The following PDE4B variants were observed in gnomAD, a reference collection of about 807,000 sequenced individuals.
PDE4B encodes the protein 3',5'-cyclic-AMP phosphodiesterase 4B.
Under a neutral mutation model 82.2 loss-of-function variants are expected in PDE4B, and 20 were observed. That is an observed-to-expected ratio of 0.24 (90% CI 0.17 to 0.35). The LOEUF is 0.35. Among genes scored for constraint, PDE4B ranks in the 10% least tolerant of loss-of-function variants. The probability of loss-of-function intolerance (pLI) is 1.00; values close to 1 mark genes in which losing one functional copy is unlikely to be tolerated. For synonymous variants in PDE4B, 320 were observed against 318.9 expected (o/e 1.00, Z -0.04); for missense variants, 655 against 907.2 (o/e 0.72, Z 3.57).
intron 1 of PDE4B, among the ~76,000 whole-genome samples, chr1:65,896,264 T>C (rs1646909704): frequency 6.6e-6 from 1 of 152,142 alleles, no homozygotes; most frequent in Non-Finnish European, 1.5e-5. Context: ...AAGTCATGTC[T>C]TACATGGCAG....
chr1:66,204,243 G>T (rs1233788862), intron 3 of PDE4B, among the ~76,000 whole-genome samples: 1 of 152,358 alleles, frequency 6.6e-6, no homozygotes, highest in African/African-American at 2.4e-5. Context: ...TGTGTGAGGT[G>T]TCAGTCTGCC....
intron 1 of PDE4B, among the ~76,000 whole-genome samples, chr1:65,876,316 C>G (rs1646643158): frequency 6.6e-6 from 1 of 151,874 alleles, no homozygotes; most frequent in Admixed American, 6.6e-5. Flanking sequence ...AATATTGTCC[C>G]TAAAAAGTTG....
chr1:66,217,549 A>G (rs1019063582), intron 3 of PDE4B, among the ~76,000 whole-genome samples: 1 of 152,156 alleles, frequency 6.6e-6, no homozygotes, highest in African/African-American at 2.4e-5. Flanking sequence ...TCAAAGGGCA[A>G]AGGAACCCAT....
At position 66,096,508 on chromosome 1, in the gene PDE4B, T is replaced by TTATATATATATATATATA. The variant is rs4068855; in HGVS notation, c.282-150935_282-150918dup. On this transcript the variant is annotated intron_variant, in intron 3 of 16. Transcript: ENST00000341517. The stretch of plus-strand genomic sequence containing the variant: ...TTAAATGCGGTATAAGTAAAAAAAA[T>TTATATATATATATATATA]TATATATATATATATATATATATAT... Among the ~76,000 whole-genome samples the TTATATATATATATATATA allele has an allele frequency of 1.1e-3, 114 of 107,258 alleles. 3 individuals are homozygous for TTATATATATATATATATA. Among genetic ancestry groups the TTATATATATATATATATA allele is most frequent in the South Asian group, 2.5e-3 (8 of 3,156 alleles). The allele number at this position is 107,258 out of a possible 152,430, so 70.4% of individuals were successfully genotyped here.
At chr1:66,364,275 C>T (rs557579875) in intron 12 of PDE4B, among the ~76,000 whole-genome samples, 2 of 152,180 alleles carry the variant, frequency 1.3e-5, no homozygotes, top group Non-Finnish European at 2.9e-5. Flanking sequence ...AAAACTGATG[C>T]AATGTGTTGA....
intron 3 of PDE4B, among the ~76,000 whole-genome samples, chr1:65,989,495 A>C (rs1651130413): frequency 6.6e-6 from 1 of 152,188 alleles, no homozygotes; most frequent in African/African-American, 2.4e-5. Flanking sequence ...TGTCTAAAAA[A>C]TAAAATAAAA....
intron 3 of PDE4B, among the ~76,000 whole-genome samples, chr1:66,231,813 A>G (rs1480121622): frequency 1.3e-5 from 2 of 152,206 alleles, no homozygotes; most frequent in African/African-American, 4.8e-5. Flanking sequence ...CCCTCTTTTG[A>G]AAGGCTTCCT....
At chr1:66,224,353 A>T (rs1019166624) in intron 3 of PDE4B, among the ~76,000 whole-genome samples, 4 of 152,208 alleles carry the variant, frequency 2.6e-5, no homozygotes, top group Non-Finnish European at 5.9e-5. Flanking sequence ...TCTGGGCAAA[A>T]TTTCGGAGCT....
Position 66,238,198 on chromosome 1 carries a change from T to C in PDE4B, c.282-9262T>C, listed in dbSNP as rs184377626. On this transcript the variant is annotated intron_variant, in intron 3 of 16. Coordinates refer to ENST00000341517, the MANE Select transcript of PDE4B (RefSeq NM_002600.4). Reference sequence around the variant, plus strand: ...AGCACTTTCTACCAGCCAGGGACTGTTCAAAGCAAAGCAGATATACCAGGA... The same window carrying C: ...AGCACTTTCTACCAGCCAGGGACTGCTCAAAGCAAAGCAGATATACCAGGA... 1.8e-4 allele frequency among the ~76,000 whole-genome samples: 28 copies of C among 152,294 alleles called. 1 individual carries two copies. Among genetic ancestry groups the C allele is most frequent in the Admixed American group, 5.2e-4 (8 of 15,298 alleles).
chr1:66,262,040 A>C (rs1654719327), intron 6 of PDE4B, among the ~76,000 whole-genome samples: 1 of 152,224 alleles, frequency 6.6e-6, no homozygotes, highest in Non-Finnish European at 1.5e-5. Context: ...CTATCAGGAA[A>C]TAATGTAACT....
chr1:65,911,426 C>T (rs1647089327), intron 1 of PDE4B, among the ~76,000 whole-genome samples: 1 of 152,044 alleles, frequency 6.6e-6, no homozygotes, highest in South Asian at 2.1e-4. Flanking sequence ...ATGCTCACAA[C>T]TTTACAGTTA....
At chr1:66,041,421 T>C (rs1240608155) in intron 3 of PDE4B, among the ~76,000 whole-genome samples, 1 of 151,942 alleles carries the variant, frequency 6.6e-6, no homozygotes, top group Non-Finnish European at 1.5e-5. Context: ...TAGCCTCAAG[T>C]TTTTCGTCAT....
intron 3 of PDE4B, among the ~76,000 whole-genome samples, chr1:65,946,929 G>T (rs559043466): frequency 1.1e-3 from 167 of 152,110 alleles, no homozygotes; most frequent in African/African-American, 3.9e-3. Flanking sequence ...ATAGTAATTT[G>T]CCCTTTACTT....
intron 1 of PDE4B, among the ~76,000 whole-genome samples, chr1:65,796,890 C>G (rs1224693774): frequency 1.3e-5 from 2 of 151,750 alleles, no homozygotes; most frequent in Admixed American, 1.3e-4. Context: ...ACCTCATGAT[C>G]TGCCTGCCTC....
In PDE4B at chr1:66,229,162, C is replaced by A. The variant is rs571266839; in HGVS notation, c.282-18298C>A. 1.1e-4 allele frequency among the ~76,000 whole-genome samples: 14 copies of A among 122,626 alleles called. No homozygotes were observed. The South Asian group carries it at 2.3e-3, about 20-fold the overall frequency. 80.4% of individuals were successfully genotyped at this position (122,626 alleles called of 152,430 possible). ...AGCTAGGATTACAGGCGCCCACCAC[C>A]ATGCCCGGCTAATTTTTTTTGTATT... On this transcript the variant is annotated intron_variant, in intron 3 of 16. Transcript: ENST00000341517.
Position 66,365,662 on chromosome 1 carries a change from G to A in PDE4B, c.1285-5G>A, listed in dbSNP as rs770642329. 1.2e-5 allele frequency: 19 copies of A among 1,588,532 alleles called. No homozygotes were observed. Among genetic ancestry groups the A allele is most frequent in the African/African-American group, 6.7e-5 (5 of 74,262 alleles). On this transcript the variant is annotated splice_region_variant and splice_polypyrimidine_tract_variant and intron_variant, in intron 12 of 16. Transcript: ENST00000341517. ...TGTAGTTAAATGTGTTTATTTGCCC[G>A]ACAGGCTGTCTTCACAGATTTGGAG... is the stretch of plus-strand genomic sequence containing the variant.
At chr1:66,245,026 A>G (rs1293801912) in intron 3 of PDE4B, among the ~76,000 whole-genome samples, 2 of 152,232 alleles carry the variant, frequency 1.3e-5, no homozygotes, top group Non-Finnish European at 2.9e-5. Context: ...CCCTGAATGG[A>G]AAGAGTTCTA....
intron 16 of PDE4B, 41 bp from the exon 17 acceptor site, chr1:66,372,272 C>A: frequency 6.5e-7 from 1 of 1,545,256 alleles, no homozygotes; most frequent in South Asian, 1.2e-5. Flanking sequence ...ACTTTTCAAG[C>A]ACCATCACAA....
intron 8 of PDE4B, among the ~76,000 whole-genome samples, chr1:66,353,536 T>C (rs1661999893): frequency 6.6e-6 from 1 of 152,188 alleles, no homozygotes; most frequent in African/African-American, 2.4e-5. Flanking sequence ...GGTGCTTTGC[T>C]ATTCCTTCAA....
Sources: allele counts gnomAD v4.1 joint callset (sites outside exome capture counted in the v4.1 genomes callset), GRCh38; gene constraint gnomAD v4.1.1; transcripts MANE v1.5; gene names NCBI Gene and HGNC (gene_info 2026-07-23, HGNC 2026-07-21).